The following CDH23 variants were observed in gnomAD, a reference collection of about 807,000 sequenced individuals.
CDH23 encodes cadherin related 23.
In CDH23, 189 loss-of-function variants were observed where a neutral mutation model predicts 317.1. The observed-to-expected ratio is 0.60, with a 90% CI of 0.53 to 0.67. CDH23 has a LOEUF of 0.67. Among genes scored for constraint, CDH23 ranks in the 30% least tolerant of loss-of-function variants. The pLI is 0.00. For missense variants in CDH23, 4,401 were observed against 4,592.4 expected, an observed-to-expected ratio of 0.96 and a Z score of 1.20; for synonymous variants, 1,839 against 1,876.8, an observed-to-expected ratio of 0.98 and a Z score of 0.52.
intron 6 of CDH23, among the ~76,000 whole-genome samples, chr10:71,547,685 GGA>G (rs1856360294): frequency 6.6e-6 from 1 of 152,370 alleles, no homozygotes; most frequent in Admixed American, 6.5e-5. Flanking sequence ...AACTGCTCCT[GGA>G]GGCAGAATTG....
intron 3 of CDH23, among the ~76,000 whole-genome samples, chr10:71,486,108 T>C (rs1409781482): frequency 6.6e-6 from 1 of 152,206 alleles, no homozygotes; most frequent in Non-Finnish European, 1.5e-5. Context: ...TGACAACTTA[T>C]TGAATGGATA....
intron 6 of CDH23, among the ~76,000 whole-genome samples, chr10:71,560,533 C>T (rs886335975): frequency 1.6e-4 from 25 of 152,098 alleles, no homozygotes; most frequent in Admixed American, 1.4e-3. Flanking sequence ...AAAGGTGACC[C>T]GACTTTGAAT....
intron 9 of CDH23, among the ~76,000 whole-genome samples, chr10:71,578,479 C>T (rs760139394): frequency 6.6e-6 from 1 of 152,148 alleles, no homozygotes; most frequent in African/African-American, 2.4e-5. Context: ...GAATTCATGT[C>T]GCATCTGGAA....
chr10:71,722,735 T>C (rs569008970), intron 28 of CDH23, among the ~76,000 whole-genome samples: 4 of 152,180 alleles, frequency 2.6e-5, no homozygotes, highest in African/African-American at 9.6e-5. Flanking sequence ...CTGAAGGAGA[T>C]GAGGGCATGA....
intron 3 of CDH23, chr10:71,508,050 T>G (rs1853743492): frequency 6.6e-6 from 1 of 152,282 alleles, no homozygotes; most frequent in South Asian, 2.1e-4. Context: ...TGCTGCCATT[T>G]CCTGCTCTGC....
At chr10:71,477,334 A>G (rs1589119198) in intron 3 of CDH23, among the ~76,000 whole-genome samples, 1 of 152,186 alleles carries the variant, frequency 6.6e-6, no homozygotes, top group Non-Finnish European at 1.5e-5. Context: ...ATGCCCGGCT[A>G]ATTTTTGTAT....
In CDH23 at chr10:71,706,914, G is replaced by T; in HGVS notation, c.2971G>T (p.Glu991Ter). 6.2e-7 allele frequency: 1 copy of T among 1,603,176 alleles called. No homozygotes were observed. Among genetic ancestry groups the T allele is most frequent in the Middle Eastern group, 1.7e-4 (1 of 6,048 alleles). The change falls in exon 26 of 70, where the codon GAG becomes TAG. Residue 991 changes from glutamate (E) to a stop codon, truncating the protein, a stop_gained. Coordinates refer to ENST00000224721, the MANE Select transcript of CDH23 (RefSeq NM_022124.6). LOFTEE classifies it high-confidence loss of function. ...CCCCGCAGTGCTGGATGTGAACGAC[G>T]AGACGCCCACCTTCTTCCCGGCCGT... The part of the protein sequence containing the change: ...LTIHVLDVND[E>*]TPTFFPAVYN...
At chr10:71,483,067 G>A (rs537426929) in intron 3 of CDH23, among the ~76,000 whole-genome samples, 15 of 152,338 alleles carry the variant, frequency 9.8e-5, no homozygotes, top group South Asian at 2.1e-4. Context: ...TCAGTGGCCC[G>A]TCCTGGCGGA....
At position 71,676,791 on chromosome 10, in the gene CDH23, G is replaced by A. The variant is rs1438703374; in HGVS notation, c.1515-665G>A. Among the ~76,000 whole-genome samples the A allele has an allele frequency of 3.9e-5, 6 of 152,186 alleles. No individual in the cohort carries two copies. The East Asian group carries it at 1.2e-3, about 29-fold the overall frequency. On this transcript the variant is annotated intron_variant, in intron 15 of 69. Coordinates refer to ENST00000224721, the MANE Select transcript of CDH23 (RefSeq NM_022124.6). ...GGCCTTATCCTGGTCATCTTGGATG[G>A]TCTCACCTCTTCCCATCTTCTGGGC...
intron 9 of CDH23, among the ~76,000 whole-genome samples, chr10:71,587,014 C>A (rs1246476971): frequency 6.6e-6 from 1 of 152,242 alleles, no homozygotes; most frequent in African/African-American, 2.4e-5. Context: ...CTGTGTATCT[C>A]TCTCTGGATG....
intron 8 of CDH23, among the ~76,000 whole-genome samples, chr10:71,577,706 T>G (rs761186625): frequency 6.6e-6 from 1 of 152,128 alleles, no homozygotes; most frequent in African/African-American, 2.4e-5. Context: ...TCGGTAAGGT[T>G]TGGCCTCCCC....
At chr10:71,489,718 G>T (rs1852548197) in intron 3 of CDH23, among the ~76,000 whole-genome samples, 1 of 151,882 alleles carries the variant, frequency 6.6e-6, no homozygotes, top group East Asian at 1.9e-4. Flanking sequence ...TTCCTCCAGA[G>T]GGAATTTGTA....
chr10:71,593,506 AG>A (rs1859637581), intron 9 of CDH23, among the ~76,000 whole-genome samples: 1 of 152,270 alleles, frequency 6.6e-6, no homozygotes, highest in Non-Finnish European at 1.5e-5. Flanking sequence ...CAGAATATAT[AG>A]ACAAAGTTAA....
intron 3 of CDH23, among the ~76,000 whole-genome samples, chr10:71,491,464 C>A (rs1852655202): frequency 6.6e-6 from 1 of 152,192 alleles, no homozygotes; most frequent in African/African-American, 2.4e-5. Context: ...ACCTTAGCCC[C>A]AGACCTGTTT....
intron 8 of CDH23, among the ~76,000 whole-genome samples, chr10:71,573,433 T>C (rs1252430868): frequency 6.6e-6 from 1 of 152,244 alleles, no homozygotes; most frequent in Non-Finnish European, 1.5e-5. Context: ...CCATCAGACA[T>C]TGATGCGGCT....
Position 71,656,185 on chromosome 10 carries a change from G to A in CDH23, c.1449+9568G>A, listed in dbSNP as rs138650802. 1.1e-3 allele frequency among the ~76,000 whole-genome samples: 169 copies of A among 152,314 alleles called. 1 individual carries two copies. The highest frequency in any genetic ancestry group is 2.0e-3 in the Non-Finnish European group (135 of 68,012). ...AGGTGTAATGGCCACCAGCTTCCAGGATCGCCTGGGCCTCCTAGTCCTAAT... is the reference window on the plus strand; with the variant it reads ...AGGTGTAATGGCCACCAGCTTCCAGAATCGCCTGGGCCTCCTAGTCCTAAT... On this transcript the variant is annotated intron_variant, in intron 14 of 69. Coordinates refer to ENST00000224721, the MANE Select transcript of CDH23 (RefSeq NM_022124.6).
intron 6 of CDH23, among the ~76,000 whole-genome samples, chr10:71,542,680 C>T (rs976714176): frequency 5.9e-5 from 9 of 152,164 alleles, no homozygotes; most frequent in Admixed American, 1.3e-4. Flanking sequence ...TGATACCTGG[C>T]GTGAAATTGA....
intron 3 of CDH23, among the ~76,000 whole-genome samples, chr10:71,459,490 G>A (rs1435899778): frequency 3.9e-5 from 6 of 152,208 alleles, no homozygotes; most frequent in African/African-American, 1.4e-4. Context: ...TCCCAACTAG[G>A]TGAGAAGCAG....
At chr10:71,403,501 CCTTCCTTT>C (rs1297487805) in intron 1 of CDH23, among the ~76,000 whole-genome samples, 3 of 104,018 alleles carry the variant, frequency 2.9e-5, no homozygotes, top group African/African-American at 4.2e-5. Context: ...TTCCTTCCTT[CCTTCCTTT>C]CTTTCCTTCT....
Sources: allele counts gnomAD v4.1 joint callset (sites outside exome capture counted in the v4.1 genomes callset), GRCh38; gene constraint gnomAD v4.1.1; transcripts MANE v1.5; gene names NCBI Gene and HGNC (gene_info 2026-07-23, HGNC 2026-07-21).